UGT1A8: variants seen among roughly 807,000 people sequenced by gnomAD.
UGT1A8 encodes UDP glucuronosyltransferase family 1 member A8, also known as UDP-glucuronosyltransferase 1A8.
UGT1A8 carries 39 observed loss-of-function variants against 45.3 expected under a neutral mutation model. The ratio of observed to expected loss-of-function variants is 0.86; its 90% CI spans 0.67 to 1.12. The LOEUF (loss-of-function observed/expected upper bound fraction) is 1.12. Ranked by LOEUF, UGT1A8 falls within the 50% of genes most tolerant of loss-of-function variation. UGT1A8 has a pLI of 0.00. For synonymous variants in UGT1A8, 275 were observed against 249.2 expected (o/e 1.10, Z -0.97); for missense variants, 719 against 664.9 (o/e 1.08, Z -0.90).
intron 1 of UGT1A8, among the ~76,000 whole-genome samples, chr2:233,643,854 G>C (rs1354452718): frequency 6.6e-6 from 1 of 152,078 alleles, no homozygotes; most frequent in Admixed American, 6.6e-5. Context: ...TGGAAGCTAG[G>C]GCCTGGCACA....
intron 1 of UGT1A8, chr2:233,682,900 T>C: frequency 6.6e-7 from 1 of 1,504,798 alleles, no homozygotes; most frequent in Non-Finnish European, 8.8e-7. Flanking sequence ...TTGGAATTTC[T>C]TTCTGGTTTA....
At chr2:233,646,994 A>T (rs1208306273) in intron 1 of UGT1A8, among the ~76,000 whole-genome samples, 1 of 152,240 alleles carries the variant, frequency 6.6e-6, no homozygotes, top group Non-Finnish European at 1.5e-5. Context: ...TTAGAGTTCC[A>T]CATGGCTGGG....
intron 1 of UGT1A8, chr2:233,693,374 A>C: frequency 1.2e-6 from 2 of 1,614,180 alleles, no homozygotes; most frequent in Non-Finnish European, 1.7e-6. Flanking sequence ...CCTGTACTTC[A>C]TCAACTGCCA....
chr2:233,718,875 C>G, intron 1 of UGT1A8: 1 of 1,613,984 alleles, frequency 6.2e-7, no homozygotes, highest in Non-Finnish European at 8.5e-7. Context: ...ACTGCTGCTC[C>G]TCCTCAGTGT....
At chr2:233,755,084 G>C in intron 1 of UGT1A8, 2 of 1,335,302 alleles carry the variant, frequency 1.5e-6, no homozygotes, top group Non-Finnish European at 2.0e-6. Flanking sequence ...CATAGATATC[G>C]CGTTTCTACG....
At chr2:233,753,907 C>G (rs1487385981) in intron 1 of UGT1A8, among the ~76,000 whole-genome samples, 1 of 152,188 alleles carries the variant, frequency 6.6e-6, no homozygotes, top group South Asian at 2.1e-4. Context: ...GCTTCTTACA[C>G]CGATTTCAGC....
chr2:233,761,598 A>G (rs1310966456), intron 1 of UGT1A8, among the ~76,000 whole-genome samples: 2 of 152,232 alleles, frequency 1.3e-5, no homozygotes, highest in African/African-American at 4.8e-5. Flanking sequence ...TTAAAGCTCC[A>G]GTTTCTAAAT....
chr2:233,711,473 A>G (rs1385646486), intron 1 of UGT1A8, among the ~76,000 whole-genome samples: 1 of 152,182 alleles, frequency 6.6e-6, no homozygotes, highest in Non-Finnish European at 1.5e-5. Flanking sequence ...TCAGAGGCTG[A>G]GATGTTGCAC....
chr2:233,758,652 G>A (rs1363541572), intron 1 of UGT1A8, among the ~76,000 whole-genome samples: 2 of 152,076 alleles, frequency 1.3e-5, no homozygotes, highest in Non-Finnish European at 2.9e-5. Context: ...GAATGAGAGG[G>A]TACCCTAATT....
intron 1 of UGT1A8, chr2:233,729,178 C>A (rs763464670): frequency 7.3e-5 from 117 of 1,613,756 alleles, no homozygotes; most frequent in Non-Finnish European, 9.8e-5. Context: ...AGGACTGCTG[C>A]TTCTCCTCAG....
At chr2:233,620,951 T>C (rs1219147349) in intron 1 of UGT1A8, among the ~76,000 whole-genome samples, 2 of 152,070 alleles carry the variant, frequency 1.3e-5, no homozygotes, top group African/African-American at 2.4e-5. Flanking sequence ...AGTGATAGAG[T>C]ATGTGTTTGC....
intron 1 of UGT1A8, among the ~76,000 whole-genome samples, chr2:233,712,397 G>C (rs1221786443): frequency 2.6e-5 from 4 of 152,200 alleles, no homozygotes. Context: ...ACTTCAGAGA[G>C]AGTCCTCTTT....
intron 1 of UGT1A8, among the ~76,000 whole-genome samples, chr2:233,730,165 G>A (rs142374428): frequency 8.5e-5 from 13 of 152,274 alleles, no homozygotes; most frequent in East Asian, 3.9e-4. Context: ...CTCTAGTAGC[G>A]TATTTCAGGT....
intron 4 of UGT1A8, among the ~76,000 whole-genome samples, chr2:233,771,773 T>C (rs1700376889): frequency 6.6e-6 from 1 of 152,072 alleles, no homozygotes; most frequent in Non-Finnish European, 1.5e-5. Context: ...CGTCCCTCTC[T>C]CCTTTCCTCT....
Position 233,747,094 on chromosome 2 carries a change from A to G in UGT1A8, c.856-19940A>G, listed in dbSNP as rs1052530336. 1.0e-5 allele frequency: 13 copies of G among 1,281,570 alleles called. No homozygotes were observed. The African/African-American group carries it at 1.2e-4, about 12-fold the overall frequency. The allele number at this position is 1,281,570 out of a possible 1,614,324, so 79.4% of individuals were successfully genotyped here. Reference sequence around the variant, plus strand: ...TAATTAACTAGGAGGAGAGCACTCTATCTTCCAATTACATGATGATTTGCT... The same window carrying G: ...TAATTAACTAGGAGGAGAGCACTCTGTCTTCCAATTACATGATGATTTGCT... On this transcript the variant is annotated intron_variant, in intron 1 of 4. Coordinates refer to ENST00000373450, the MANE Select transcript of UGT1A8 (RefSeq NM_019076.5).
At chr2:233,637,969 G>T (rs1054496164) in intron 1 of UGT1A8, among the ~76,000 whole-genome samples, 1 of 151,742 alleles carries the variant, frequency 6.6e-6, no homozygotes, top group Non-Finnish European at 1.5e-5. Context: ...AATTAATATT[G>T]ATATATATAT....
chr2:233,658,054 T>C (rs2073893794), intron 1 of UGT1A8, among the ~76,000 whole-genome samples: 1 of 150,380 alleles, frequency 6.6e-6, no homozygotes, highest in Admixed American at 6.6e-5. Context: ...AGTGTCACTC[T>C]GTCACCCAGG....
chr2:233,725,063 T>G (rs2077358237), intron 1 of UGT1A8, among the ~76,000 whole-genome samples: 1 of 146,678 alleles, frequency 6.8e-6, no homozygotes, highest in Non-Finnish European at 1.5e-5. Flanking sequence ...GGCGCGCGCC[T>G]GCAATCGCAG....
At chr2:233,761,962 G>A (rs1257423083) in intron 1 of UGT1A8, among the ~76,000 whole-genome samples, 1 of 152,228 alleles carries the variant, frequency 6.6e-6, no homozygotes, top group Non-Finnish European at 1.5e-5. Flanking sequence ...CCATTAAGGG[G>A]ACTGATATCA....
Sources: allele counts gnomAD v4.1 joint callset (sites outside exome capture counted in the v4.1 genomes callset), GRCh38; gene constraint gnomAD v4.1.1; transcripts MANE v1.5; gene names NCBI Gene and HGNC (gene_info 2026-07-23, HGNC 2026-07-21).